LAPTM4B: variants seen among roughly 807,000 people sequenced by gnomAD.
The protein encoded by LAPTM4B is lysosomal-associated transmembrane protein 4B.
LAPTM4B carries 26 observed loss-of-function variants against 28.5 expected under a neutral mutation model. The observed-to-expected ratio is 0.91, with a 90% CI of 0.67 to 1.27. The LOEUF is 1.27. LAPTM4B is among the 50% of genes most tolerant of loss of function. The probability of loss-of-function intolerance (pLI) is 0.00; values close to 1 mark genes in which losing one functional copy is unlikely to be tolerated. For missense variants in LAPTM4B, 288 were observed against 285.8 expected, an observed-to-expected ratio of 1.01 and a Z score of -0.06; for synonymous variants, 109 against 106.4, an observed-to-expected ratio of 1.02 and a Z score of -0.15.
At chr8:97,794,936 T>C (rs1816559018) in intron 1 of LAPTM4B, among the ~76,000 whole-genome samples, 2 of 152,172 alleles carry the variant, frequency 1.3e-5, no homozygotes, top group South Asian at 4.1e-4. Context: ...GGTCTCAAAC[T>C]CCTGACCTCA....
At chr8:97,800,083 G>GT (rs1284557411) in intron 1 of LAPTM4B, among the ~76,000 whole-genome samples, 2 of 152,028 alleles carry the variant, frequency 1.3e-5, no homozygotes, top group African/African-American at 2.4e-5. Flanking sequence ...TATGCTTTTT[G>GT]TTTTTTGGGT....
chr8:97,819,798 A>C (rs1014418867), intron 5 of LAPTM4B, among the ~76,000 whole-genome samples: 44 of 137,654 alleles, frequency 3.2e-4, no homozygotes, highest in Non-Finnish European at 7.5e-5. Context: ...GCAGTGGCGC[A>C]ACCTCGGCTT....
intron 6 of LAPTM4B, among the ~76,000 whole-genome samples, chr8:97,828,525 A>G (rs777292841): frequency 6.6e-6 from 1 of 152,236 alleles, no homozygotes; most frequent in Non-Finnish European, 1.5e-5. Context: ...TAGGTCCAGT[A>G]TAACTATCTG....
chr8:97,816,921 T>C (rs921231350), intron 4 of LAPTM4B, among the ~76,000 whole-genome samples: 2 of 143,490 alleles, frequency 1.4e-5, no homozygotes, highest in African/African-American at 2.5e-5. Context: ...GCCTGGGCAA[T>C]AGAGTGAGAT....
At chr8:97,842,193 G>T (rs1203396144) in intron 6 of LAPTM4B, among the ~76,000 whole-genome samples, 1 of 151,948 alleles carries the variant, frequency 6.6e-6, no homozygotes, top group Non-Finnish European at 1.5e-5. Flanking sequence ...ACTGAATTTT[G>T]AATTTCATAT....
At chr8:97,779,048 T>G (rs377090967) in intron 1 of LAPTM4B, among the ~76,000 whole-genome samples, 3 of 152,100 alleles carry the variant, frequency 2.0e-5, no homozygotes, top group Non-Finnish European at 4.4e-5. Flanking sequence ...GAGTCAATTA[T>G]CAGAAAGTGG....
At chr8:97,840,507 A>G (rs964652286) in intron 6 of LAPTM4B, among the ~76,000 whole-genome samples, 1 of 152,168 alleles carries the variant, frequency 6.6e-6, no homozygotes, top group Non-Finnish European at 1.5e-5. Context: ...TTCTCATTAG[A>G]ACTCCCAAAA....
intron 6 of LAPTM4B, among the ~76,000 whole-genome samples, chr8:97,830,939 C>T (rs1010669449): frequency 2.6e-5 from 4 of 152,008 alleles, no homozygotes; most frequent in Non-Finnish European, 1.5e-5. Flanking sequence ...TGAGGTTGGG[C>T]CCATGTAAAA....
chr8:97,820,927 A>G (rs1486642468), intron 5 of LAPTM4B, among the ~76,000 whole-genome samples: 4 of 151,768 alleles, frequency 2.6e-5, no homozygotes, highest in Admixed American at 6.6e-5. Context: ...GGGTTTCACC[A>G]TGTTGGCCAT....
intron 1 of LAPTM4B, among the ~76,000 whole-genome samples, chr8:97,802,281 T>G (rs1444872616): frequency 6.6e-6 from 1 of 152,206 alleles, no homozygotes; most frequent in Non-Finnish European, 1.5e-5. Context: ...TTATTCATTA[T>G]ATGCTAAACA....
At chr8:97,816,616 G>A (rs865817727) in intron 4 of LAPTM4B, among the ~76,000 whole-genome samples, 69 of 152,268 alleles carry the variant, frequency 4.5e-4, no homozygotes, top group African/African-American at 1.5e-3. Context: ...TTTGAGGGCC[G>A]GGGTTATGAT....
rs71271147 is a variant in LAPTM4B at position 97,781,278 on chromosome 8, CTT to C, written c.99+5190_99+5191del. Among the ~76,000 whole-genome samples the C allele has an allele frequency of 2.4e-4, 12 of 50,840 alleles. No homozygotes were observed. The South Asian group carries it at 2.9e-3, about 12-fold the overall frequency. The allele number at this position is 50,840 out of a possible 152,430, so 33.4% of individuals were successfully genotyped here. A position where few individuals can be genotyped will look rare whatever the true frequency, so the allele number is the denominator to read the frequency against. On this transcript the variant is annotated intron_variant, in intron 1 of 6. Transcript: ENST00000521545. ...ACAGGCGTGAGCCACTGTGCCCGGC[CTT>C]TTTTTTTTTTTTTTTTTTTGAGGAG...
intron 6 of LAPTM4B, among the ~76,000 whole-genome samples, chr8:97,849,003 T>C (rs924837482): frequency 6.6e-6 from 1 of 152,334 alleles, no homozygotes; most frequent in Middle Eastern, 3.4e-3. Flanking sequence ...TGGCTAGAAC[T>C]TGTCAAGGTC....
At position 97,826,438 on chromosome 8, in the gene LAPTM4B, A is replaced by G. The variant is rs563864940; in HGVS notation, c.603+1285A>G. 7.0e-4 allele frequency among the ~76,000 whole-genome samples: 106 copies of G among 152,332 alleles called. 1 individual carries two copies. In the South Asian group the frequency reaches 0.021, roughly 30 times the overall value. Reference sequence around the variant, plus strand: ...GTAACTCTCTTTGAAAGAAATATCTATTCAAAATTTTCGTGATTTTGATAA... The same window carrying G: ...GTAACTCTCTTTGAAAGAAATATCTGTTCAAAATTTTCGTGATTTTGATAA... On this transcript the variant is annotated intron_variant, in intron 6 of 6. Transcript: ENST00000521545.
chr8:97,817,288 T>C (rs577239561), intron 4 of LAPTM4B, among the ~76,000 whole-genome samples: 49 of 151,988 alleles, frequency 3.2e-4, no homozygotes, highest in African/African-American at 1.1e-3. Flanking sequence ...TGCACCACCA[T>C]GCCCACCTAA....
chr8:97,821,865 C>G (rs756640827), intron 5 of LAPTM4B, among the ~76,000 whole-genome samples: 2 of 152,062 alleles, frequency 1.3e-5, no homozygotes, highest in African/African-American at 2.4e-5. Flanking sequence ...TTCCAAGACA[C>G]TTTTACCTTA....
chr8:97,806,257 A>G (rs1816754579), intron 2 of LAPTM4B, among the ~76,000 whole-genome samples: 1 of 152,178 alleles, frequency 6.6e-6, no homozygotes, highest in Non-Finnish European at 1.5e-5. Context: ...GAACTGATAT[A>G]TGCATTTAAG....
intron 1 of LAPTM4B, among the ~76,000 whole-genome samples, chr8:97,776,570 T>C (rs1816220475): frequency 1.3e-5 from 2 of 152,228 alleles, no homozygotes; most frequent in African/African-American, 4.8e-5. Flanking sequence ...GTTGCGGATT[T>C]GTCAATGCTC....
chr8:97,775,995 A>G lies in LAPTM4B; in HGVS notation c.-15A>G. The G allele has an allele frequency of 6.4e-7, 1 of 1,567,570 alleles. No homozygotes were observed. Among genetic ancestry groups the G allele is most frequent in the Non-Finnish European group, 8.6e-7 (1 of 1,163,404 alleles). ...GAAAACTTGCGCGCGCGCTCGCGCC[A>G]CTGCGCCCGGAGCGATGAAGATGGT... is the stretch of plus-strand genomic sequence containing the variant. On this transcript the variant is annotated 5_prime_UTR_variant, in exon 1 of 7. Transcript: ENST00000521545.
Sources: gnomAD v4.1 joint callset for allele counts (sites outside exome capture counted in the v4.1 genomes callset) on GRCh38, gnomAD v4.1.1 for gene constraint, MANE v1.5 for transcripts, NCBI Gene and HGNC (gene_info 2026-07-23, HGNC 2026-07-21) for gene names.